CNTN4: variants seen among roughly 807,000 people sequenced by gnomAD.
CNTN4 encodes contactin 4.
CNTN4 carries 77 observed loss-of-function variants against 122.5 expected under a neutral mutation model. That is an observed-to-expected ratio of 0.63 (90% CI 0.52 to 0.76). The LOEUF (loss-of-function observed/expected upper bound fraction) is 0.76, where lower values mean the gene tolerates loss of function less well. Ranked by LOEUF, CNTN4 falls within the 30% of genes least tolerant of loss-of-function variation. The probability of loss-of-function intolerance (pLI) is 0.00; values close to 1 mark genes in which losing one functional copy is unlikely to be tolerated. For missense variants in CNTN4, 1,256 were observed against 1,259.1 expected (o/e 1.00, Z 0.04); for synonymous variants, 512 against 447.0 (o/e 1.15, Z -1.83).
intron 3 of CNTN4, among the ~76,000 whole-genome samples, chr3:2,465,242 G>C (rs1053365773): frequency 3.0e-4 from 46 of 152,242 alleles, no homozygotes; most frequent in African/African-American, 8.7e-4. Context: ...ACTTCAGTGA[G>C]GCAGACAACC....
intron 6 of CNTN4, among the ~76,000 whole-genome samples, chr3:2,806,471 T>G (rs2092470849): frequency 6.6e-6 from 1 of 152,118 alleles, no homozygotes; most frequent in African/African-American, 2.4e-5. Context: ...TCCTCTGGCT[T>G]CCTAGGATTT....
intron 2 of CNTN4, among the ~76,000 whole-genome samples, chr3:2,145,602 C>A (rs992433657): frequency 6.6e-6 from 1 of 152,170 alleles, no homozygotes; most frequent in African/African-American, 2.4e-5. Context: ...ATCCTCAGAA[C>A]TTTAGCTTTT....
chr3:2,743,302 A>G (rs992925287), intron 5 of CNTN4, among the ~76,000 whole-genome samples: 23 of 152,178 alleles, frequency 1.5e-4, no homozygotes, highest in African/African-American at 5.6e-4. Flanking sequence ...AGTCAGTTCT[A>G]GAGATTCATG....
At chr3:2,728,882 C>G (rs911988726) in intron 4 of CNTN4, among the ~76,000 whole-genome samples, 3 of 152,164 alleles carry the variant, frequency 2.0e-5, no homozygotes, top group African/African-American at 7.2e-5. Context: ...AATCAAATAG[C>G]CCATTTGATG....
At chr3:2,634,851 A>G (rs558208071) in intron 4 of CNTN4, among the ~76,000 whole-genome samples, 1 of 151,924 alleles carries the variant, frequency 6.6e-6, no homozygotes, top group South Asian at 2.1e-4. Context: ...GTGAGACTCC[A>G]TCTCAAAAAA....
At chr3:2,170,089 A>C (rs539367417) in intron 2 of CNTN4, among the ~76,000 whole-genome samples, 1 of 151,872 alleles carries the variant, frequency 6.6e-6, no homozygotes, top group South Asian at 2.1e-4. Flanking sequence ...TGGGAGGCCG[A>C]GGCGGGAGGA....
chr3:2,520,677 T>C (rs1372971525), intron 3 of CNTN4, among the ~76,000 whole-genome samples: 1 of 152,076 alleles, frequency 6.6e-6, no homozygotes, highest in Non-Finnish European at 1.5e-5. Context: ...ATTTACACTT[T>C]TTTTTAAACC....
At chr3:2,519,256 A>G (rs1408950489) in intron 3 of CNTN4, among the ~76,000 whole-genome samples, 3 of 152,184 alleles carry the variant, frequency 2.0e-5, no homozygotes, top group African/African-American at 7.2e-5. Context: ...CTCTTCTGCC[A>G]TCCCTCACAA....
chr3:2,275,364 A>C (rs1040716733), intron 2 of CNTN4, among the ~76,000 whole-genome samples: 2 of 152,208 alleles, frequency 1.3e-5, no homozygotes, highest in African/African-American at 4.8e-5. Flanking sequence ...CATGTCCATT[A>C]GACATCCTCA....
chr3:2,588,485 G>A (rs534130009), intron 4 of CNTN4, among the ~76,000 whole-genome samples: 1 of 151,992 alleles, frequency 6.6e-6, no homozygotes, highest in Non-Finnish European at 1.5e-5. Flanking sequence ...TCCTGCCTCA[G>A]CCTCCAAGTA....
chr3:2,779,654 T>C (rs898051528), intron 6 of CNTN4, among the ~76,000 whole-genome samples: 2 of 152,238 alleles, frequency 1.3e-5, no homozygotes, highest in Non-Finnish European at 2.9e-5. Flanking sequence ...TTTAATTTCC[T>C]CAAAAGCTTA....
At position 2,398,826 on chromosome 3, in the gene CNTN4, G is replaced by A. The variant is rs554500252; in HGVS notation, c.-89+59593G>A. 1.2e-4 allele frequency among the ~76,000 whole-genome samples: 19 copies of A among 152,166 alleles called. No individual in the cohort carries two copies. The South Asian group carries it at 3.9e-3, about 32-fold the overall frequency. On this transcript the variant is annotated intron_variant, in intron 3 of 24. Transcript: ENST00000418658. ...TGGGGCTCATTCTCCTTTCAATTTT[G>A]CTAACTTATTTTGATCTCCTGCCTT...
chr3:2,917,288 A>AG (rs2094377282), intron 12 of CNTN4, among the ~76,000 whole-genome samples: 1 of 151,938 alleles, frequency 6.6e-6, no homozygotes, highest in Non-Finnish European at 1.5e-5. Context: ...AGACCGTGGA[A>AG]AGCGGGAGGC....
intron 15 of CNTN4, among the ~76,000 whole-genome samples, chr3:3,026,775 T>G (rs1225689627): frequency 6.6e-6 from 1 of 152,188 alleles, no homozygotes; most frequent in East Asian, 1.9e-4. Context: ...CTGATGGGGT[T>G]ATTTACTATC....
chr3:2,666,023 G>A (rs2084139332), intron 4 of CNTN4, among the ~76,000 whole-genome samples: 1 of 152,156 alleles, frequency 6.6e-6, no homozygotes, highest in Non-Finnish European at 1.5e-5. Context: ...ATGAATGGGC[G>A]AAGATATCTG....
At chr3:2,212,097 G>C (rs1448029984) in intron 2 of CNTN4, among the ~76,000 whole-genome samples, 1 of 151,904 alleles carries the variant, frequency 6.6e-6, no homozygotes, top group East Asian at 1.9e-4. Flanking sequence ...CCTCAGTCCA[G>C]AATAGCTGGG....
chr3:2,649,224 CT>C (rs1160507307), intron 4 of CNTN4, among the ~76,000 whole-genome samples: 1 of 152,158 alleles, frequency 6.6e-6, no homozygotes, highest in Admixed American at 6.5e-5. Context: ...GGTGGCTACC[CT>C]AAAAAACAGA....
chr3:2,392,768 C>T (rs1226562784), intron 3 of CNTN4, among the ~76,000 whole-genome samples: 1 of 152,150 alleles, frequency 6.6e-6, no homozygotes, highest in African/African-American at 2.4e-5. Flanking sequence ...TGTACACTTA[C>T]CTGTTTCTAG....
At chr3:2,849,361 T>C (rs1043904860) in intron 7 of CNTN4, among the ~76,000 whole-genome samples, 1 of 152,250 alleles carries the variant, frequency 6.6e-6, no homozygotes, top group African/African-American at 2.4e-5. Flanking sequence ...ACATTGGGAA[T>C]GGATGTAGTG....
Sources: allele counts gnomAD v4.1 joint callset (sites outside exome capture counted in the v4.1 genomes callset), GRCh38; gene constraint gnomAD v4.1.1; transcripts MANE v1.5; gene names NCBI Gene and HGNC (gene_info 2026-07-23, HGNC 2026-07-21).